Variants in RPTOR observed in about 807,000 individuals in gnomAD.
RPTOR encodes the protein regulatory associated protein of MTOR complex 1.
Under a neutral mutation model 169.9 loss-of-function variants are expected in RPTOR, and 21 were observed. The ratio of observed to expected loss-of-function variants is 0.12; its 90% confidence interval spans 0.09 to 0.18. The LOEUF (loss-of-function observed/expected upper bound fraction) is 0.18, where lower values mean the gene tolerates loss of function less well. Among genes scored for constraint, RPTOR ranks in the 10% least tolerant of loss-of-function variants. RPTOR has a pLI of 1.00. For missense variants in RPTOR, 1,133 were observed against 1,855.9 expected (o/e 0.61, Z 7.16); for synonymous variants, 732 against 753.2 (o/e 0.97, Z 0.46).
chr17:80,930,449 C>T (rs2068880600), intron 24 of RPTOR, among the ~76,000 whole-genome samples: 1 of 6,084 alleles, frequency 1.6e-4, no homozygotes, highest in Admixed American at 1.8e-3. Context: ...AGCTCATCCT[C>T]AGCTCATCCC....
intron 1 of RPTOR, among the ~76,000 whole-genome samples, chr17:80,624,892 C>T (rs564728926): frequency 6.5e-4 from 99 of 152,300 alleles, no homozygotes; most frequent in Non-Finnish European, 1.1e-3. Flanking sequence ...TGGGCCGGAG[C>T]TCTGCCGGGA....
chr17:80,640,931 A>C (rs954444870), intron 2 of RPTOR, among the ~76,000 whole-genome samples: 1 of 152,252 alleles, frequency 6.6e-6, no homozygotes, highest in Admixed American at 6.5e-5. Context: ...TGGTTGCTGC[A>C]GTTAAGTATG....
rs55752459 is a variant in RPTOR, at chr17:80,966,117, A to ACCCCCCCCCC, written c.*1796_*1797insCCCCCCCCCC. 1.1e-5 allele frequency: 2 copies of ACCCCCCCCCC among 175,608 alleles called. No individual in the cohort carries two copies. The highest frequency in any genetic ancestry group is 1.1e-5 in the Non-Finnish European group (1 of 93,008). The allele number at this position is 175,608 out of a possible 1,614,324, so 10.9% of individuals were successfully genotyped here. On this transcript the variant is annotated 3_prime_UTR_variant, in exon 34 of 34. Coordinates refer to ENST00000306801, the MANE Select transcript of RPTOR (RefSeq NM_020761.3). ...GGCAGGTGGCTCCAGAGGGGTCAAG[A>ACCCCCCCCCC]CCCCCCCCCGCCCCCGCTCCACCCT...
chr17:80,692,037 CGAGGCATAGCCGCTGCT>C (rs1226957888), intron 3 of RPTOR, among the ~76,000 whole-genome samples: 2 of 152,192 alleles, frequency 1.3e-5, no homozygotes. Flanking sequence ...GAGCCGCTGC[CGAGGCATAGCCGCTGCT>C]GAGGCACTCG....
At chr17:80,583,797 A>C (rs1241267861) in intron 1 of RPTOR, among the ~76,000 whole-genome samples, 2 of 152,272 alleles carry the variant, frequency 1.3e-5, no homozygotes, top group Non-Finnish European at 2.9e-5. Flanking sequence ...ATGCAGGTGC[A>C]GCTGCCTCCA....
intron 9 of RPTOR, among the ~76,000 whole-genome samples, chr17:80,832,552 G>A (rs2067517366): frequency 6.6e-6 from 1 of 152,230 alleles, no homozygotes; most frequent in Non-Finnish European, 1.5e-5. Flanking sequence ...GCACAAAGGA[G>A]TGAGGAGTGG....
chr17:80,933,081 C>T (rs779579300), intron 24 of RPTOR, among the ~76,000 whole-genome samples: 16 of 152,220 alleles, frequency 1.1e-4, no homozygotes, highest in Admixed American at 2.0e-4. Flanking sequence ...ACAAGACAAA[C>T]ATATCCTCTC....
chr17:80,801,614 G>C (rs1027621678), intron 7 of RPTOR: 2 of 152,194 alleles, frequency 1.3e-5, no homozygotes, highest in African/African-American at 4.8e-5. Flanking sequence ...TGTTTGAAAG[G>C]AAAACTATCA....
chr17:80,823,235 A>G lies in RPTOR; in HGVS notation c.1136+12A>G, dbSNP rs759855275. On this transcript the variant is annotated intron_variant, in intron 9 of 33. Coordinates refer to ENST00000306801, the MANE Select transcript of RPTOR (RefSeq NM_020761.3). This position sits in a 1 kb window ranked among gnomAD's most constrained non-coding sequence, Gnocchi z 4.5. ...ATGCACGCCATGTGGTGAGTGTTTC[A>G]GGATCCTCCAGGTGCCGTGCTCCCC... 5 of 1,612,628 alleles carry G rather than the reference A, an allele frequency of 3.1e-6. No homozygotes were observed. In the Admixed American group the frequency reaches 6.7e-5, roughly 22 times the overall value.
intron 1 of RPTOR, among the ~76,000 whole-genome samples, chr17:80,602,019 T>C (rs1056028342): frequency 5.7e-5 from 2 of 34,928 alleles, no homozygotes; most frequent in Non-Finnish European, 1.2e-4. Context: ...TCCCCACCTT[T>C]CCCGCCTTTC....
chr17:80,636,254 C>G (rs1447507418), intron 2 of RPTOR, among the ~76,000 whole-genome samples: 2 of 152,080 alleles, frequency 1.3e-5, no homozygotes, highest in Non-Finnish European at 2.9e-5. Flanking sequence ...CGCCCCAACT[C>G]TAGTCCCTAC....
rs76622378 is a variant in RPTOR, at chr17:80,631,193, C to A, written c.265+5400C>A. On this transcript the variant is annotated intron_variant, in intron 2 of 33. Coordinates refer to ENST00000306801, the MANE Select transcript of RPTOR (RefSeq NM_020761.3). Reference sequence around the variant, plus strand: ...AGGTAGGTTTTGTCTGTACCTCCTCCCACTCCCCAGGTACAGGAATGTGTG... The same window carrying A: ...AGGTAGGTTTTGTCTGTACCTCCTCACACTCCCCAGGTACAGGAATGTGTG... 1.6e-4 allele frequency among the ~76,000 whole-genome samples: 24 copies of A among 152,258 alleles called. No individual in the cohort carries two copies. The East Asian group carries it at 4.4e-3, about 28-fold the overall frequency.
At chr17:80,814,920 C>T (rs576184975) in intron 7 of RPTOR, among the ~76,000 whole-genome samples, 2 of 152,204 alleles carry the variant, frequency 1.3e-5, no homozygotes, top group South Asian at 2.1e-4. Context: ...GAGAGGAGGC[C>T]GGACTTGAGC....
intron 6 of RPTOR, chr17:80,774,097 C>T (rs182021348): frequency 5.1e-6 from 5 of 985,368 alleles, no homozygotes; most frequent in Admixed American, 1.2e-4. Context: ...AGAAACACCT[C>T]AAGTTTTTAA....
At chr17:80,810,096 A>T (rs2067259138) in intron 7 of RPTOR, among the ~76,000 whole-genome samples, 1 of 140,342 alleles carries the variant, frequency 7.1e-6, no homozygotes, top group African/African-American at 2.6e-5. Flanking sequence ...AATAAATAAA[A>T]CAGTCTTTTG....
chr17:80,863,372 G>C (rs1256320154), intron 13 of RPTOR, among the ~76,000 whole-genome samples: 1 of 152,078 alleles, frequency 6.6e-6, no homozygotes, highest in Non-Finnish European at 1.5e-5. Context: ...GATAGAATCA[G>C]GAAAATATGA....
At chr17:80,579,708 C>T (rs1237540394) in intron 1 of RPTOR, among the ~76,000 whole-genome samples, 1 of 152,150 alleles carries the variant, frequency 6.6e-6, no homozygotes, top group Admixed American at 6.5e-5. Context: ...AAGATATTTC[C>T]GAGGGGTCTG....
chr17:80,783,807 A>G (rs972772489), intron 6 of RPTOR, among the ~76,000 whole-genome samples: 42 of 152,342 alleles, frequency 2.8e-4, no homozygotes, highest in Middle Eastern at 3.4e-3. Flanking sequence ...TGTAGCACGG[A>G]GGGCCACTAT....
intron 6 of RPTOR, among the ~76,000 whole-genome samples, chr17:80,790,596 C>T (rs2067037613): frequency 6.6e-6 from 1 of 152,164 alleles, no homozygotes; most frequent in Non-Finnish European, 1.5e-5. Flanking sequence ...CGTGCCTGAC[C>T]CTTGCACTGC....
Sources: allele counts gnomAD v4.1 joint callset (sites outside exome capture counted in the v4.1 genomes callset), GRCh38; gene constraint gnomAD v4.1.1; non-coding constraint Gnocchi (gnomAD v3.1); transcripts MANE v1.5; gene names NCBI Gene and HGNC (gene_info 2026-07-23, HGNC 2026-07-21).